GDPD1: variants seen among roughly 807,000 people sequenced by gnomAD.
GDPD1 encodes glycerophosphodiester phosphodiesterase domain containing 1.
In GDPD1, 28 loss-of-function variants were observed where a neutral mutation model predicts 45.1. The observed-to-expected ratio is 0.62, with a 90% CI of 0.46 to 0.85. The LOEUF is 0.85. Ranked by LOEUF, GDPD1 falls within the 40% of genes least tolerant of loss-of-function variation. The pLI, the probability that GDPD1 is intolerant of heterozygous loss-of-function variation, is 0.00. For missense variants in GDPD1, 256 were observed against 364.8 expected, an observed-to-expected ratio of 0.70 and a Z score of 2.43; for synonymous variants, 139 against 131.4, an observed-to-expected ratio of 1.06 and a Z score of -0.40.
chr17:59,236,126 G>T (rs1369870669), intron 2 of GDPD1, among the ~76,000 whole-genome samples: 1 of 151,736 alleles, frequency 6.6e-6, no homozygotes, highest in Non-Finnish European at 1.5e-5. Flanking sequence ...ATATTTTTTT[G>T]TTAAATTTTT....
chr17:59,225,694 T>G (rs2047042194), intron 1 of GDPD1, among the ~76,000 whole-genome samples: 3 of 152,046 alleles, frequency 2.0e-5, no homozygotes, highest in Admixed American at 2.0e-4. Flanking sequence ...ATCAATCCAT[T>G]TATTAAAATT....
rs143763749 is a variant in GDPD1, at chr17:59,244,207, G to A, written c.186-1207G>A. 1.2e-4 allele frequency among the ~76,000 whole-genome samples: 18 copies of A among 152,198 alleles called. No homozygotes were observed. In the East Asian group the frequency reaches 1.7e-3, roughly 15 times the overall value. ...ATGTTGGGATACTCCGGGGTCTTGC[G>A]TCCCTTCTCCCTTGATTCTTCCCTT... On this transcript the variant is annotated intron_variant, in intron 2 of 9. Transcript: ENST00000284116.
chr17:59,255,738 C>T (rs1171834290), intron 4 of GDPD1, among the ~76,000 whole-genome samples: 3 of 79,746 alleles, frequency 3.8e-5, no homozygotes, highest in Non-Finnish European at 6.7e-5. Flanking sequence ...AACGAAACTC[C>T]GTCTCAAAAA....
chr17:59,265,052 G>C (rs2047388361), intron 6 of GDPD1, among the ~76,000 whole-genome samples: 1 of 151,546 alleles, frequency 6.6e-6, no homozygotes, highest in African/African-American at 2.4e-5. Flanking sequence ...TGTTGGCCAG[G>C]CTGGTCTCGA....
chr17:59,250,161 T>C (rs1295739830), intron 4 of GDPD1, among the ~76,000 whole-genome samples: 1 of 152,210 alleles, frequency 6.6e-6, no homozygotes, highest in Non-Finnish European at 1.5e-5. Context: ...TTGAAGTTGT[T>C]GGTTTGAGGA....
intron 7 of GDPD1, 29 bp from the exon 8 acceptor site, chr17:59,270,907 T>C (rs945731092): frequency 5.5e-6 from 8 of 1,453,140 alleles, no homozygotes; most frequent in Non-Finnish European, 7.6e-6. Context: ...GTGTTTCTAA[T>C]TTGTAATTCA....
intron 1 of GDPD1, among the ~76,000 whole-genome samples, chr17:59,222,975 T>G (rs1348335416): frequency 6.6e-6 from 1 of 152,210 alleles, no homozygotes; most frequent in African/African-American, 2.4e-5. Flanking sequence ...TCATTGTGAA[T>G]GATCAAAATT....
In GDPD1 at chr17:59,220,594, C is replaced by T. The variant is rs1355154978; in HGVS notation, c.-16C>T. On this transcript the variant is annotated 5_prime_UTR_variant, in exon 1 of 10. Transcript: ENST00000284116. ...AGAGGGCCCGGAGGTGGGAGACTTC[C>T]CACACGGTGACTGAGATGTCGTCCA... 5 of 1,611,952 alleles carry T rather than the reference C, an allele frequency of 3.1e-6. No homozygotes were observed.
In GDPD1 at chr17:59,275,416, A is replaced by G; in HGVS notation, c.*1643A>G. The G allele has an allele frequency of 2.6e-6, 1 of 383,520 alleles. No homozygotes were observed. The highest frequency in any genetic ancestry group is 4.6e-5 in the South Asian group (1 of 21,856). 23.8% of individuals were successfully genotyped at this position (383,520 alleles called of 1,614,324 possible). A position where few individuals can be genotyped will look rare whatever the true frequency, so the allele number is the denominator to read the frequency against. On this transcript the variant is annotated 3_prime_UTR_variant, in exon 10 of 10. Transcript: ENST00000284116. ...TGAGACCTTTTTCAGGTGTGTAGCAATTCTACCATGTCCATTTTTTTAAGC... is the reference window on the plus strand; with the variant it reads ...TGAGACCTTTTTCAGGTGTGTAGCAGTTCTACCATGTCCATTTTTTTAAGC...
chr17:59,227,661 C>A (rs529499418), intron 1 of GDPD1, among the ~76,000 whole-genome samples: 48 of 151,922 alleles, frequency 3.2e-4, no homozygotes, highest in African/African-American at 1.1e-3. Flanking sequence ...AGCAATAATC[C>A]TTTACTTTCA....
intron 1 of GDPD1, among the ~76,000 whole-genome samples, chr17:59,224,263 T>C (rs1433878153): frequency 2.0e-5 from 3 of 152,092 alleles, no homozygotes; most frequent in Non-Finnish European, 4.4e-5. Flanking sequence ...GAGTATGAAG[T>C]GATTACTCAT....
chr17:59,232,360 G>A (rs2047097655), intron 1 of GDPD1, among the ~76,000 whole-genome samples: 1 of 151,430 alleles, frequency 6.6e-6, no homozygotes, highest in Non-Finnish European at 1.5e-5. Context: ...TGAGGCAGGA[G>A]AATCGCTTGA....
chr17:59,263,574 G>A (rs2047375752), intron 6 of GDPD1, among the ~76,000 whole-genome samples: 1 of 138,836 alleles, frequency 7.2e-6, no homozygotes, highest in South Asian at 2.2e-4. Context: ...CACCTCCCGG[G>A]TTCAAGCGAT....
chr17:59,256,463 A>G (rs546068659), intron 4 of GDPD1, among the ~76,000 whole-genome samples: 4 of 152,176 alleles, frequency 2.6e-5, no homozygotes, highest in Non-Finnish European at 5.9e-5. Flanking sequence ...TCTTCAACAC[A>G]TTACTGATTT....
At chr17:59,242,367 GAT>G (rs2047181563) in intron 2 of GDPD1, among the ~76,000 whole-genome samples, 1 of 152,072 alleles carries the variant, frequency 6.6e-6, no homozygotes, top group Non-Finnish European at 1.5e-5. Context: ...CTGGCTAAGA[GAT>G]ATATTCTTAA....
chr17:59,273,034 T>A, intron 9 of GDPD1, 198 bp downstream of exon 9: 1 of 1,202,166 alleles, frequency 8.3e-7, no homozygotes, highest in Non-Finnish European at 1.1e-6. Flanking sequence ...TAGATTCCTC[T>A]TATGTACAGA....
chr17:59,255,568 C>G (rs2047290009), intron 4 of GDPD1, among the ~76,000 whole-genome samples: 1 of 147,502 alleles, frequency 6.8e-6, no homozygotes, highest in African/African-American at 2.5e-5. Flanking sequence ...ATGGTGAAAC[C>G]CTGCCTCTAC....
At position 59,255,878 on chromosome 17, in the gene GDPD1, C is replaced by CGTATATATATATAT. The variant is rs1568347073; in HGVS notation, c.368-1244_368-1243insGTATATATATATAT. 3.3e-4 allele frequency among the ~76,000 whole-genome samples: 42 copies of CGTATATATATATAT among 125,432 alleles called. 1 individual carries two copies. The highest frequency in any genetic ancestry group is 1.3e-3 in the African/African-American group (37 of 27,858). 82.3% of individuals were successfully genotyped at this position (125,432 alleles called of 152,430 possible). A position where few individuals can be genotyped will look rare whatever the true frequency, so the allele number is the denominator to read the frequency against. On this transcript the variant is annotated intron_variant, in intron 4 of 9. Transcript: ENST00000284116. ...ACACGTATATATATATATATATACA[C>CGTATATATATATAT]ACACACACACACACATATATATATA...
At chr17:59,269,152 C>G (rs112822022) in intron 7 of GDPD1, among the ~76,000 whole-genome samples, 3,932 of 152,086 alleles carry the variant, frequency 0.026, 192 homozygotes, top group African/African-American at 0.089. Context: ...CAAAAATTAG[C>G]CGGGCACAGT....
Sources: allele counts gnomAD v4.1 joint callset (sites outside exome capture counted in the v4.1 genomes callset), GRCh38; gene constraint gnomAD v4.1.1; transcripts MANE v1.5; gene names NCBI Gene and HGNC (gene_info 2026-07-23, HGNC 2026-07-21).